Variants in ZNF521 observed in about 807,000 individuals in gnomAD.
The protein encoded by ZNF521 is LYST-interacting protein 3.
Under a neutral mutation model 105.5 loss-of-function variants are expected in ZNF521, and 14 were observed. That is an observed-to-expected ratio of 0.13 (90% CI 0.09 to 0.21). The LOEUF (loss-of-function observed/expected upper bound fraction) is 0.21, where lower values mean the gene tolerates loss of function less well. ZNF521 is among the 10% of genes least tolerant of loss of function. The pLI, the probability that ZNF521 is intolerant of heterozygous loss-of-function variation, is 1.00. For missense variants in ZNF521, 1,233 were observed against 1,629.7 expected, an observed-to-expected ratio of 0.76 and a Z score of 4.19; for synonymous variants, 635 against 606.0, an observed-to-expected ratio of 1.05 and a Z score of -0.70.
At chr18:25,234,485 T>A (rs1056550936) in intron 3 of ZNF521, among the ~76,000 whole-genome samples, 1 of 152,230 alleles carries the variant, frequency 6.6e-6, no homozygotes, top group Non-Finnish European at 1.5e-5. Context: ...CTACTATGTG[T>A]TCAGGTCTAA....
At chr18:25,074,054 A>ACG (rs1555631257) in intron 7 of ZNF521, among the ~76,000 whole-genome samples, 1 of 144,822 alleles carries the variant, frequency 6.9e-6, no homozygotes, top group Non-Finnish European at 1.5e-5. Context: ...GTCTGTGCAC[A>ACG]TGTGTGCGCA....
chr18:25,238,261 ATTGT>A (rs1465132814), intron 3 of ZNF521, among the ~76,000 whole-genome samples: 2 of 152,234 alleles, frequency 1.3e-5, no homozygotes, highest in Non-Finnish European at 2.9e-5. Flanking sequence ...AAAAAAATTC[ATTGT>A]TTTTCATATT....
At chr18:25,341,081 A>G (rs1182745827) in intron 2 of ZNF521, among the ~76,000 whole-genome samples, 1 of 152,170 alleles carries the variant, frequency 6.6e-6, no homozygotes, top group Non-Finnish European at 1.5e-5. Flanking sequence ...TCCAGTGCTC[A>G]CATCTTTGAA....
At chr18:25,075,106 A>G (rs1448862326) in intron 7 of ZNF521, among the ~76,000 whole-genome samples, 2 of 152,184 alleles carry the variant, frequency 1.3e-5, no homozygotes, top group East Asian at 1.9e-4. Flanking sequence ...AGCCGTAAAC[A>G]AGAACACACA....
chr18:25,318,328 C>G (rs1912751862), intron 3 of ZNF521, among the ~76,000 whole-genome samples: 1 of 152,066 alleles, frequency 6.6e-6, no homozygotes, highest in Non-Finnish European at 1.5e-5. Flanking sequence ...CATTATTGAT[C>G]AGAAAGAAGC....
intron 3 of ZNF521, among the ~76,000 whole-genome samples, chr18:25,267,853 A>G (rs1486107216): frequency 6.6e-6 from 1 of 152,328 alleles, no homozygotes; most frequent in African/African-American, 2.4e-5. Flanking sequence ...GAAAAATTCC[A>G]AAAACCAGAA....
At chr18:25,346,789 A>G (rs1914480860) in intron 2 of ZNF521, among the ~76,000 whole-genome samples, 1 of 152,176 alleles carries the variant, frequency 6.6e-6, no homozygotes, top group South Asian at 2.1e-4. Context: ...CCTGGTTCCC[A>G]CCACTCCTCT....
chr18:25,142,736 A>G (rs971219445), intron 5 of ZNF521, among the ~76,000 whole-genome samples: 9 of 137,820 alleles, frequency 6.5e-5, no homozygotes, highest in African/African-American at 2.5e-4. Context: ...ATTTTCATAG[A>G]TCCTGTACAT....
chr18:25,297,431 T>C (rs1482975063), intron 3 of ZNF521, among the ~76,000 whole-genome samples: 1 of 152,144 alleles, frequency 6.6e-6, no homozygotes, highest in Non-Finnish European at 1.5e-5. Flanking sequence ...TTAAATCCTT[T>C]CTTATTTGTG....
At chr18:25,083,952 T>A (rs2144182234) in intron 7 of ZNF521, among the ~76,000 whole-genome samples, 1 of 127,318 alleles carries the variant, frequency 7.9e-6, no homozygotes, top group Admixed American at 8.3e-5. Flanking sequence ...TTTTTTTTTT[T>A]TTTTTTTTTT....
At chr18:25,103,339 G>A (rs1048070681) in intron 5 of ZNF521, among the ~76,000 whole-genome samples, 3 of 152,100 alleles carry the variant, frequency 2.0e-5, no homozygotes, top group Admixed American at 6.6e-5. Context: ...GGCTGGGCTT[G>A]AGTGCTCCTT....
At chr18:25,291,244 T>C (rs1911003696) in intron 3 of ZNF521, among the ~76,000 whole-genome samples, 1 of 152,146 alleles carries the variant, frequency 6.6e-6, no homozygotes, top group East Asian at 1.9e-4. Context: ...TTACCCTCCG[T>C]CTAAAGTAAA....
At chr18:25,084,584 C>A (rs1385454816) in intron 7 of ZNF521, among the ~76,000 whole-genome samples, 3 of 139,926 alleles carry the variant, frequency 2.1e-5, no homozygotes, top group African/African-American at 7.4e-5. Flanking sequence ...GCACTCATGA[C>A]TTAATGAAGG....
chr18:25,093,812 A>G (rs189090888), intron 5 of ZNF521, among the ~76,000 whole-genome samples: 214 of 149,900 alleles, frequency 1.4e-3, no homozygotes, highest in South Asian at 4.0e-3. Context: ...TAGGGATTAT[A>G]TAAGATCAAG....
At chr18:25,159,816 C>T (rs9959583) in intron 5 of ZNF521, among the ~76,000 whole-genome samples, 63,418 of 152,022 alleles carry the variant, frequency 0.42, 13,481 homozygotes, top group South Asian at 0.59. Context: ...AGCTACTCAG[C>T]ATCCTTCGGC....
intron 3 of ZNF521, among the ~76,000 whole-genome samples, chr18:25,315,235 C>A (rs1912537111): frequency 6.6e-6 from 1 of 152,182 alleles, no homozygotes; most frequent in Non-Finnish European, 1.5e-5. Flanking sequence ...AAGGCTGGGG[C>A]AAGACAGGTG....
At chr18:25,219,740 C>T (rs1292491726) in intron 4 of ZNF521, among the ~76,000 whole-genome samples, 1 of 152,076 alleles carries the variant, frequency 6.6e-6, no homozygotes, top group African/African-American at 2.4e-5. Context: ...TCACCTGAGC[C>T]TGGGAGGTTA....
At chr18:25,234,670 C>T (rs145433467) in intron 3 of ZNF521, among the ~76,000 whole-genome samples, 60 of 152,188 alleles carry the variant, frequency 3.9e-4, no homozygotes, top group African/African-American at 1.4e-3. Context: ...TACATTATTA[C>T]TACTGCTATG....
chr18:25,106,701 T>C (rs1278503236), intron 5 of ZNF521, among the ~76,000 whole-genome samples: 1 of 152,314 alleles, frequency 6.6e-6, no homozygotes, highest in South Asian at 2.1e-4. Flanking sequence ...TTCTGATGAA[T>C]GCTCAGATAC....
Sources: allele counts gnomAD v4.1 joint callset (sites outside exome capture counted in the v4.1 genomes callset), GRCh38; gene constraint gnomAD v4.1.1; transcripts MANE v1.5; gene names NCBI Gene and HGNC (gene_info 2026-07-23, HGNC 2026-07-21).